Variants in TIAM2 observed in about 807,000 individuals in gnomAD.
The protein encoded by TIAM2 is TIAM Rac1 associated GEF 2, also known as rho guanine nucleotide exchange factor TIAM2.
TIAM2 carries 80 observed loss-of-function variants against 152.9 expected under a neutral mutation model. That is an observed-to-expected ratio of 0.52 (90% CI 0.44 to 0.63). TIAM2 has a LOEUF of 0.63. Among genes scored for constraint, TIAM2 ranks in the 30% least tolerant of loss-of-function variants. TIAM2 has a pLI of 0.00. For missense variants in TIAM2, 1,965 were observed against 2,120.1 expected (o/e 0.93, Z 1.44); for synonymous variants, 804 against 838.0 (o/e 0.96, Z 0.70).
At chr6:155,194,000 A>G (rs1781272332) in intron 14 of TIAM2, among the ~76,000 whole-genome samples, 1 of 152,226 alleles carries the variant, frequency 6.6e-6, no homozygotes, top group African/African-American at 2.4e-5. Context: ...TGGTGACCCC[A>G]GGAGTCTACA....
chr6:155,036,324 G>C (rs767715642), intron 1 of TIAM2, among the ~76,000 whole-genome samples: 10 of 151,982 alleles, frequency 6.6e-5, no homozygotes, highest in Non-Finnish European at 1.3e-4. Context: ...CTTGAGGTCA[G>C]GAATTTGAGA....
intron 1 of TIAM2, among the ~76,000 whole-genome samples, chr6:155,086,767 C>T (rs1452993597): frequency 2.0e-5 from 3 of 151,424 alleles, no homozygotes; most frequent in Admixed American, 6.6e-5. Flanking sequence ...TAAGCTGCAG[C>T]TTCCTCTTTA....
chr6:155,091,425 G>A (rs1407545042), intron 2 of TIAM2, among the ~76,000 whole-genome samples: 1 of 152,170 alleles, frequency 6.6e-6, no homozygotes, highest in Admixed American at 6.5e-5. Context: ...GAATGTATGA[G>A]TTGAACGGTT....
intron 23 of TIAM2, 104 bp from the exon 24 acceptor site, chr6:155,252,844 G>T: frequency 9.6e-7 from 1 of 1,041,986 alleles, no homozygotes; most frequent in South Asian, 1.5e-5. Flanking sequence ...TGGCTGCTCG[G>T]AGACTCGCCC....
At chr6:155,029,672 TAC>T (rs1381652949) in intron 1 of TIAM2, among the ~76,000 whole-genome samples, 2 of 132,410 alleles carry the variant, frequency 1.5e-5, no homozygotes, top group African/African-American at 5.6e-5. Flanking sequence ...TATAACTATA[TAC>T]AGAGTTATAT....
At chr6:155,092,361 G>C in intron 2 of TIAM2, among the ~76,000 whole-genome samples, 1 of 152,066 alleles carries the variant, frequency 6.6e-6, no homozygotes, top group East Asian at 1.9e-4. Context: ...GCCTCCCAAA[G>C]TGCTGGGATT....
At chr6:155,238,949 C>T (rs1405614329) in intron 15 of TIAM2, among the ~76,000 whole-genome samples, 1 of 152,146 alleles carries the variant, frequency 6.6e-6, no homozygotes, top group Non-Finnish European at 1.5e-5. Flanking sequence ...CATATGACAA[C>T]ACTGTGTTGG....
chr6:155,103,015 A>G (rs977320822), intron 2 of TIAM2, among the ~76,000 whole-genome samples: 2 of 152,164 alleles, frequency 1.3e-5, no homozygotes, highest in African/African-American at 4.8e-5. Context: ...CATTTTTCTC[A>G]GAGATCTTTG....
chr6:155,050,153 C>T (rs1373346957), intron 1 of TIAM2, among the ~76,000 whole-genome samples: 2 of 152,118 alleles, frequency 1.3e-5, no homozygotes, highest in Admixed American at 6.6e-5. Flanking sequence ...AGAATTTAGA[C>T]AGTATTGGCA....
intron 23 of TIAM2, among the ~76,000 whole-genome samples, chr6:155,252,714 T>A (rs1382139107): frequency 6.6e-6 from 1 of 152,220 alleles, no homozygotes; most frequent in African/African-American, 2.4e-5. Flanking sequence ...GCTGCTGTTC[T>A]TGCTTTGAGA....
chr6:155,187,573 C>CCTTTTTTTTTTTTTTTTTTTTTT (rs1189509294), intron 14 of TIAM2, among the ~76,000 whole-genome samples: 24 of 49,616 alleles, frequency 4.8e-4, no homozygotes, highest in Non-Finnish European at 7.0e-4. Flanking sequence ...ACCCCGCCCC[C>CCTTTTTTTTTTTTTTTTTTTTTT]TTTTTTTTTT....
At chr6:155,083,607 G>T (rs1778118257) in intron 1 of TIAM2, among the ~76,000 whole-genome samples, 1 of 152,172 alleles carries the variant, frequency 6.6e-6, no homozygotes, top group Non-Finnish European at 1.5e-5. Context: ...AATTCTTGGG[G>T]CATGGATTGT....
intron 1 of TIAM2, among the ~76,000 whole-genome samples, chr6:155,072,949 T>C (rs1037923684): frequency 6.6e-6 from 1 of 152,132 alleles, no homozygotes; most frequent in Admixed American, 6.6e-5. Context: ...GAATGAAAAG[T>C]GTTACTAAAG....
At chr6:155,217,588 G>A (rs1000912008) in intron 15 of TIAM2, among the ~76,000 whole-genome samples, 1 of 152,170 alleles carries the variant, frequency 6.6e-6, no homozygotes, top group African/African-American at 2.4e-5. Flanking sequence ...TTTCTACAAG[G>A]TAAGCAGAGT....
chr6:155,203,237 C>A (rs1330357281), intron 14 of TIAM2, among the ~76,000 whole-genome samples: 1 of 152,030 alleles, frequency 6.6e-6, no homozygotes, highest in African/African-American at 2.4e-5. Context: ...CCTAGGCTGG[C>A]AGCTTTGATT....
At chr6:155,062,618 G>A (rs1270140107) in intron 1 of TIAM2, among the ~76,000 whole-genome samples, 1 of 124,268 alleles carries the variant, frequency 8.0e-6, no homozygotes, top group Non-Finnish European at 1.7e-5. Flanking sequence ...TGCTCTTGTT[G>A]CCCAGGCTAG....
chr6:155,047,225 A>G (rs1384231031), intron 1 of TIAM2, among the ~76,000 whole-genome samples: 23 of 151,994 alleles, frequency 1.5e-4, no homozygotes, highest in Admixed American at 1.5e-3. Flanking sequence ...CCCAGGCTGT[A>G]TGTAGTGCAG....
intron 5 of TIAM2, among the ~76,000 whole-genome samples, chr6:155,138,888 TTTG>T (rs1179975051): frequency 6.6e-6 from 1 of 152,110 alleles, no homozygotes; most frequent in African/African-American, 2.4e-5. Context: ...GAAGTGAGAA[TTTG>T]TTTTGTTGAC....
At chr6:155,082,666 CAATAAATAAATAAATAAATA>C (rs200019932) in intron 1 of TIAM2, among the ~76,000 whole-genome samples, 1 of 141,348 alleles carries the variant, frequency 7.1e-6, no homozygotes, top group Non-Finnish European at 1.5e-5. Flanking sequence ...AAAAAAACCC[CAATAAATAAATAAATAAATA>C]AATAAATAAA....
Sources: gnomAD v4.1 joint callset for allele counts (sites outside exome capture counted in the v4.1 genomes callset) on GRCh38, gnomAD v4.1.1 for gene constraint, MANE v1.5 for transcripts, NCBI Gene and HGNC (gene_info 2026-07-23, HGNC 2026-07-21) for gene names.